Variants in PPP1R3A observed in about 807,000 individuals in gnomAD.
PPP1R3A encodes the protein RG1.
Under a neutral mutation model 41.7 loss-of-function variants are expected in PPP1R3A, and 29 were observed. That is an observed-to-expected ratio of 0.70 (90% confidence interval 0.52 to 0.95). The LOEUF is 0.95. Among genes scored for constraint, PPP1R3A ranks in the 40% least tolerant of loss-of-function variants. PPP1R3A has a pLI of 0.00. For synonymous variants in PPP1R3A, 485 were observed against 453.4 expected (o/e 1.07, Z -0.89); for missense variants, 1,352 against 1,292.4 (o/e 1.05, Z -0.71).
chr7:113,898,869 G>A (rs1281962261), intron 1 of PPP1R3A, among the ~76,000 whole-genome samples: 1 of 151,802 alleles, frequency 6.6e-6, no homozygotes, highest in African/African-American at 2.4e-5. Flanking sequence ...GCTTATAAGT[G>A]TAAATCCTTT....
intron 1 of PPP1R3A, among the ~76,000 whole-genome samples, chr7:113,903,483 G>A (rs1026605996): frequency 1.3e-5 from 2 of 151,642 alleles, no homozygotes; most frequent in Non-Finnish European, 2.9e-5. Flanking sequence ...AAACTATGAG[G>A]TCCCCAAAAT....
At chr7:113,880,234 TTGAC>T (rs1796669205) in intron 3 of PPP1R3A, 109 bp from the exon 4 acceptor site, 2 of 1,017,516 alleles carry the variant, frequency 2.0e-6, no homozygotes, top group African/African-American at 3.3e-5. Context: ...GTAGATTTCT[TTGAC>T]TGATTTCATT....
chr7:113,905,075 G>A (rs895940178), intron 1 of PPP1R3A, among the ~76,000 whole-genome samples: 3 of 151,476 alleles, frequency 2.0e-5, no homozygotes, highest in Non-Finnish European at 3.0e-5. Context: ...AATGAAGTTC[G>A]CATGAGTATT....
intron 1 of PPP1R3A, among the ~76,000 whole-genome samples, chr7:113,915,837 G>A (rs371040582): frequency 2.6e-5 from 4 of 151,934 alleles, no homozygotes; most frequent in South Asian, 4.2e-4. Context: ...CACCGATAAG[G>A]TGTGCTATTT....
At chr7:113,909,941 T>C (rs1797214707) in intron 1 of PPP1R3A, among the ~76,000 whole-genome samples, 2 of 152,040 alleles carry the variant, frequency 1.3e-5, no homozygotes, top group African/African-American at 4.8e-5. Flanking sequence ...AAGAGATACC[T>C]GAGACTACGT....
Position 113,877,589 on chromosome 7 carries a change from T to C in PPP1R3A, c.*134A>G. On this transcript the variant is annotated 3_prime_UTR_variant, in exon 4 of 4. Coordinates refer to ENST00000284601, the MANE Select transcript of PPP1R3A (RefSeq NM_002711.4). Reference sequence around the variant, plus strand: ...TTACTTATATGAAGGAGCAAACTTATTCGCGTCCCTTTTTAAATGATCCTT... The same window carrying C: ...TTACTTATATGAAGGAGCAAACTTACTCGCGTCCCTTTTTAAATGATCCTT... The C allele has an allele frequency of 9.6e-7, 1 of 1,039,134 alleles. No homozygotes were observed. Among genetic ancestry groups the C allele is most frequent in the South Asian group, 1.8e-5 (1 of 56,066 alleles). The allele number at this position is 1,039,134 out of a possible 1,614,324, so 64.4% of individuals were successfully genotyped here.
rs1311985666 is a variant in PPP1R3A, at chr7:113,877,433, G to C, written c.*290C>G. 3.6e-6 allele frequency: 1 copy of C among 275,678 alleles called. No homozygotes were observed. The highest frequency in any genetic ancestry group is 6.8e-6 in the Non-Finnish European group (1 of 147,412). The allele number at this position is 275,678 out of a possible 1,614,324, so 17.1% of individuals were successfully genotyped here. The stretch of plus-strand genomic sequence containing the variant: ...GAAATAGCACTTTAAGTAGTGAAGA[G>C]ATGTGAAGCATTGCAACTTCATAGC... On this transcript the variant is annotated 3_prime_UTR_variant, in exon 4 of 4. Transcript: ENST00000284601.
At chr7:113,915,582 T>C (rs1222419185) in intron 1 of PPP1R3A, among the ~76,000 whole-genome samples, 2 of 148,694 alleles carry the variant, frequency 1.3e-5, no homozygotes, top group Non-Finnish European at 3.0e-5. Context: ...TATACATACA[T>C]ATACATACAT....
chr7:113,914,417 A>C (rs952524049), intron 1 of PPP1R3A, among the ~76,000 whole-genome samples: 2 of 152,130 alleles, frequency 1.3e-5, no homozygotes, highest in African/African-American at 4.8e-5. Flanking sequence ...TAAATGTGGA[A>C]ATTTTAACAT....
intron 1 of PPP1R3A, among the ~76,000 whole-genome samples, chr7:113,891,789 G>C (rs1796893647): frequency 6.6e-6 from 1 of 151,928 alleles, no homozygotes; most frequent in Non-Finnish European, 1.5e-5. Flanking sequence ...TTTTTCCAAA[G>C]GTCCTATAAT....
chr7:113,913,937 G>T (rs552889635), intron 1 of PPP1R3A, among the ~76,000 whole-genome samples: 5 of 151,818 alleles, frequency 3.3e-5, no homozygotes, highest in Admixed American at 1.3e-4. Context: ...CTTCACAGGC[G>T]CCTGTCTCCA....
chr7:113,918,374 C>T lies in PPP1R3A; in HGVS notation c.623G>A (p.Cys208Tyr). 1 of 1,613,330 alleles carries T rather than the reference C, an allele frequency of 6.2e-7. No individual in the cohort carries two copies. Among genetic ancestry groups the T allele is most frequent in the Non-Finnish European group, 8.5e-7 (1 of 1,179,606 alleles). ...YQKDGSKVEF[C>Y]IRYETSVGTF... Reference sequence around the variant, plus strand: ...ACCAACAGAAGTTTCATAACGTATACAAAACTCAACTTTACTGCCATCTTT... The same window carrying T: ...ACCAACAGAAGTTTCATAACGTATATAAAACTCAACTTTACTGCCATCTTT... Residue 208 changes from cysteine (C) to tyrosine (Y), a missense_variant, in exon 1 of 4, where the codon TGT becomes TAT. Cys to Tyr is a radical substitution (Grantham distance 194). Transcript: ENST00000284601.
chr7:113,918,197 T>G lies in PPP1R3A; in HGVS notation c.782+18A>C. On this transcript the variant is annotated intron_variant, in intron 1 of 3. Coordinates refer to ENST00000284601, the MANE Select transcript of PPP1R3A (RefSeq NM_002711.4). ...CTTTAAGATTGTGAATAATAAAATA[T>G]GTAAGATATATCCTCACCTTGATTT... 1 of 1,569,404 alleles carries G rather than the reference T, an allele frequency of 6.4e-7. No individual in the cohort carries two copies. Among genetic ancestry groups the G allele is most frequent in the East Asian group, 2.2e-5 (1 of 44,526 alleles).
At chr7:113,882,912 C>T (rs1373364826) in intron 1 of PPP1R3A, among the ~76,000 whole-genome samples, 3 of 151,976 alleles carry the variant, frequency 2.0e-5, no homozygotes, top group African/African-American at 7.2e-5. Flanking sequence ...AGTTAAAAGA[C>T]TTTATATATG....
At chr7:113,883,823 T>A (rs1202216392) in intron 1 of PPP1R3A, among the ~76,000 whole-genome samples, 2 of 152,000 alleles carry the variant, frequency 1.3e-5, no homozygotes, top group Non-Finnish European at 2.9e-5. Context: ...TCTTATCTAA[T>A]CAAAATGCTA....
chr7:113,879,931 A>T lies in PPP1R3A; in HGVS notation c.1161T>A (p.Asp387Glu). The T allele has an allele frequency of 6.2e-7, 1 of 1,613,492 alleles. No homozygotes were observed. The highest frequency in any genetic ancestry group is 8.5e-7 in the Non-Finnish European group (1 of 1,179,666). Reference sequence around the variant, plus strand: ...AGGAATATTTTTCATTGCAGTAAAAATCTCCCTTTACGGAGCTTTCTGCTG... The same window carrying T: ...AGGAATATTTTTCATTGCAGTAAAATTCTCCCTTTACGGAGCTTTCTGCTG... ...SSSAESSVKG[D>E]FYCNEKYSSG... The change falls in exon 4 of 4, where the codon GAT becomes GAA. Residue 387 changes from aspartate (D) to glutamate (E), a missense_variant. Asp to Glu is a conservative substitution (Grantham distance 45). Coordinates refer to ENST00000284601, the MANE Select transcript of PPP1R3A (RefSeq NM_002711.4).
chr7:113,883,959 G>C (rs1796739140), intron 1 of PPP1R3A, among the ~76,000 whole-genome samples: 1 of 151,886 alleles, frequency 6.6e-6, no homozygotes, highest in African/African-American at 2.4e-5. Flanking sequence ...GTATTCTTAT[G>C]TTAGTGTCTT....
In PPP1R3A at chr7:113,878,757, T is replaced by C. The variant is rs776082891; in HGVS notation, c.2335A>G (p.Arg779Gly). ...AGGGTATAATGTGAATCATCATTTC[T>C]CCCTTCATGTGGATCAAACGCTGTT... ...KETAFDPHEGRNDDSHYTLCQ... is the reference protein window; with the variant it reads ...KETAFDPHEGGNDDSHYTLCQ... The change falls in exon 4 of 4, where the codon AGA becomes GGA. Residue 779 changes from arginine to glycine, a missense_variant. Arg to Gly is a moderately radical substitution (Grantham distance 125, BLOSUM62 -2). Transcript: ENST00000284601. The C allele has an allele frequency of 1.1e-5, 17 of 1,613,454 alleles. No homozygotes were observed. Among genetic ancestry groups the C allele is most frequent in the Non-Finnish European group, 1.4e-5 (17 of 1,179,736 alleles).
chr7:113,890,167 C>A (rs1006863272), intron 1 of PPP1R3A, among the ~76,000 whole-genome samples: 2 of 152,108 alleles, frequency 1.3e-5, no homozygotes, highest in East Asian at 3.9e-4. Context: ...AGGGCACCAG[C>A]CAATTGGTAG....
Sources: gnomAD v4.1 joint callset for allele counts (sites outside exome capture counted in the v4.1 genomes callset) on GRCh38, gnomAD v4.1.1 for gene constraint, MANE v1.5 for transcripts, NCBI Gene and HGNC (gene_info 2026-07-23, HGNC 2026-07-21) for gene names.